The following APOL3 variants were observed in gnomAD, a reference collection of about 807,000 sequenced individuals.
APOL3 encodes apolipoprotein L3, also known as TNF-inducible protein CG12-1.
A neutral mutation model predicts 11.6 loss-of-function variants in APOL3; 14 were observed. The observed-to-expected ratio is 1.21, with a 90% confidence interval of 0.80 to 1.89. APOL3 has a LOEUF of 1.89. Among genes scored for constraint, APOL3 ranks in the 40% most tolerant of loss-of-function variants. The probability of loss-of-function intolerance (pLI) is 0.00; values close to 1 mark genes in which losing one functional copy is unlikely to be tolerated. For missense variants in APOL3, 483 were observed against 492.1 expected (o/e 0.98, Z 0.17); for synonymous variants, 192 against 190.6 (o/e 1.01, Z -0.06).
chr22:36,155,529 G>T (rs2012630852), intron 1 of APOL3, among the ~76,000 whole-genome samples: 1 of 152,124 alleles, frequency 6.6e-6, no homozygotes, highest in East Asian at 1.9e-4. Context: ...GGAGTGTGCT[G>T]AGGGGTTTCT....
intron 2 of APOL3, among the ~76,000 whole-genome samples, chr22:36,143,982 C>T (rs1038964883): frequency 2.0e-5 from 3 of 152,142 alleles, no homozygotes; most frequent in East Asian, 1.9e-4. Flanking sequence ...ACCCAGTTGG[C>T]AGACACTTGT....
intron 1 of APOL3, chr22:36,153,550 T>C (rs1216125606): frequency 5.3e-6 from 2 of 377,918 alleles, no homozygotes; most frequent in African/African-American, 4.2e-5. Flanking sequence ...ACATACGGGC[T>C]TCTTTTCCAC....
At chr22:36,141,639 G>A (rs2059994886) in exon 3 of APOL3, 1 of 1,614,150 alleles carries the variant, frequency 6.2e-7, no homozygotes. Flanking sequence ...AATGCTGGTT[G>A]CAGTCAGCCT....
intron 1 of APOL3, among the ~76,000 whole-genome samples, chr22:36,160,283 C>T (rs2013572699): frequency 6.6e-6 from 1 of 152,168 alleles, no homozygotes; most frequent in African/African-American, 2.4e-5. Flanking sequence ...GAAGGACAGG[C>T]CAGGCTCTGG....
intron 1 of APOL3, chr22:36,156,855 C>T (rs953391616): frequency 4.5e-6 from 2 of 439,638 alleles, no homozygotes; most frequent in African/African-American, 4.0e-5. Context: ...TGGGTGGCCT[C>T]TGCCCTCCGT....
At chr22:36,150,484 C>G (rs767947913) in intron 1 of APOL3, among the ~76,000 whole-genome samples, 2 of 152,204 alleles carry the variant, frequency 1.3e-5, no homozygotes, top group Non-Finnish European at 2.9e-5. Context: ...CTTGCCCAAT[C>G]TCAGAAATCT....
rs757180712 is a variant in APOL3, at chr22:36,141,522, C to T, written c.887G>A (p.Arg296His). The T allele has an allele frequency of 1.9e-5, 30 of 1,614,018 alleles. No individual in the cohort carries two copies. The highest frequency in any genetic ancestry group is 5.0e-5 in the Admixed American group (3 of 60,000). Residue 296 changes from arginine to histidine, a missense_variant, in exon 3 of 3, where the codon CGT becomes CAT. Physicochemically the swap from Arg to His is conservative, Grantham distance 29 (BLOSUM62 0). Coordinates refer to ENST00000349314, the Ensembl canonical transcript of APOL3. ...CCTGGCTCTGGCTTGCCTGATGGCA[C>T]GGATTTCACTCCCAATGGTTTGTGT... is the stretch of plus-strand genomic sequence containing the variant.
At chr22:36,158,422 C>A (rs541422074) in intron 1 of APOL3, among the ~76,000 whole-genome samples, 1 of 152,266 alleles carries the variant, frequency 6.6e-6, no homozygotes, top group South Asian at 2.1e-4. Flanking sequence ...GGGACAGGGG[C>A]TTTAGAGGGT....
Position 36,154,656 on chromosome 22 carries a change from A to G in APOL3, c.223+6013T>C, listed in dbSNP as rs2012446201. ...ATGGACAGAAATAATGTCACAGAATAGTAACCACACACAGGGTGACTCTGA... is the reference window on the plus strand; with the variant it reads ...ATGGACAGAAATAATGTCACAGAATGGTAACCACACACAGGGTGACTCTGA... On this transcript the variant is annotated intron_variant, in intron 1 of 2. Transcript: ENST00000349314. 6 of 470,830 alleles carry G rather than the reference A, an allele frequency of 1.3e-5. No homozygotes were observed. The Admixed American group carries it at 1.4e-4, about 11-fold the overall frequency. The allele number at this position is 470,830 out of a possible 1,614,324, so 29.2% of individuals were successfully genotyped here.
Position 36,141,982 on chromosome 22 carries a change from G to T in APOL3, c.427C>A (p.Gln143Lys), listed in dbSNP as rs546014974. ...CATTCCCTAAACTGCTCATCTTTCT[G>T]CTGCACATATTCGTCCTCAATAGCT... The change falls in exon 3 of 3, where the codon CAG becomes AAG. Residue 143 changes from glutamine to lysine, a missense_variant. Physicochemically the swap from Gln to Lys is moderately conservative, Grantham distance 53 (BLOSUM62 1). Coordinates refer to ENST00000349314, the Ensembl canonical transcript of APOL3. 3 of 1,614,154 alleles carry T rather than the reference G, an allele frequency of 1.9e-6. No individual in the cohort carries two copies. The South Asian group carries it at 3.3e-5, about 18-fold the overall frequency.
chr22:36,158,302 TC>T (rs1209005594), intron 1 of APOL3, among the ~76,000 whole-genome samples: 4 of 152,148 alleles, frequency 2.6e-5, no homozygotes, highest in Non-Finnish European at 5.9e-5. Context: ...GGTTCTGGTG[TC>T]CTGGAGGATC....
At chr22:36,144,780 C>G (rs763549330) in intron 2 of APOL3, among the ~76,000 whole-genome samples, 1 of 151,966 alleles carries the variant, frequency 6.6e-6, no homozygotes, top group Admixed American at 6.6e-5. Context: ...GAGGCCGAGG[C>G]GGGAGGATCA....
In APOL3 at chr22:36,160,863, T is replaced by TCCCAGCCCCACCCTTGG; in HGVS notation, c.12_28dup (p.Glu10AlafsTer14). The stretch of plus-strand genomic sequence containing the variant: ...GATCAAACATGCAAAACAGGATGCT[T>TCCCAGCCCCACCCTTGG]CCCAGCCCCACCCTTGGCCCAGTCC... On this transcript the variant is annotated frameshift_variant, in exon 1 of 3. Transcript: ENST00000349314. LOFTEE classifies it high-confidence loss of function. 1 of 1,613,284 alleles carries TCCCAGCCCCACCCTTGG rather than the reference T, an allele frequency of 6.2e-7. No individual in the cohort carries two copies. Among genetic ancestry groups the TCCCAGCCCCACCCTTGG allele is most frequent in the Non-Finnish European group, 8.5e-7 (1 of 1,179,306 alleles).
intron 2 of APOL3, 30 bp downstream of exon 3, chr22:36,145,443 G>T (rs776056676): frequency 1.2e-6 from 2 of 1,610,780 alleles, no homozygotes; most frequent in East Asian, 2.2e-5. Flanking sequence ...TAGCCGGGGC[G>T]CCCCATGGAG....
chr22:36,142,016 T>G, exon 3 of APOL3: 1 of 1,614,058 alleles, frequency 6.2e-7, no homozygotes, highest in Non-Finnish European at 8.5e-7. Flanking sequence ...CTGCATATGT[T>G]CTAAGCTTCT....
intron 1 of APOL3, among the ~76,000 whole-genome samples, chr22:36,157,680 C>T (rs1307107258): frequency 6.6e-6 from 1 of 152,172 alleles, no homozygotes; most frequent in Non-Finnish European, 1.5e-5. Flanking sequence ...GCACGGTTTG[C>T]AATACTTAAA....
At chr22:36,163,796 C>T (rs372970478), upstream of APOL3, among the ~76,000 whole-genome samples, 2 of 152,366 alleles carry the variant, frequency 1.3e-5, no homozygotes, top group African/African-American at 4.8e-5. Context: ...ATCCACACTC[C>T]TATGTAAAAC....
At chr22:36,154,540 T>C (rs1000606616) in intron 1 of APOL3, 3 of 453,910 alleles carry the variant, frequency 6.6e-6, no homozygotes, top group African/African-American at 4.1e-5. Context: ...TTTATTTATG[T>C]TCCTGTTCGT....
At chr22:36,150,001 G>A (rs2060372406) in intron 1 of APOL3, 1 of 434,274 alleles carries the variant, frequency 2.3e-6, no homozygotes. Context: ...TTAGAAATGT[G>A]GATCTTGCTT....
Sources: gnomAD v4.1 joint callset for allele counts (sites outside exome capture counted in the v4.1 genomes callset) on GRCh38, gnomAD v4.1.1 for gene constraint, MANE v1.5 for transcripts, NCBI Gene and HGNC (gene_info 2026-07-23, HGNC 2026-07-21) for gene names.